Variants in GARIN3 observed in about 807,000 individuals in gnomAD.
GARIN3 encodes Golgi-associated RAB2 interactor protein 3.
chr5:157,162,403 G>A, the GARIN3 span: 14 of 1,579,936 alleles, frequency 8.9e-6, 1 homozygote, highest in South Asian at 1.7e-4. Flanking sequence ...GGCTCCTCTA[G>A]GGATACTTCC....
chr5:157,162,471 G>A, the GARIN3 span: 8 of 1,613,872 alleles, frequency 5.0e-6, no homozygotes, highest in East Asian at 2.2e-5. Context: ...TTTCAAAGAC[G>A]ATCATCTCCG....
At chr5:157,165,434 C>T in the GARIN3 span, 1 of 1,413,198 alleles carries the variant, frequency 7.1e-7, no homozygotes, top group African/African-American at 1.4e-5. Flanking sequence ...CTCATTTGGT[C>T]CTGAGCCCTT....
At chr5:157,162,748 T>C in the GARIN3 span, 1 of 1,614,198 alleles carries the variant, frequency 6.2e-7, no homozygotes. Context: ...CGACTCCTTT[T>C]TGGTGGAGCT....
chr5:157,165,736 C>T, the GARIN3 span: 43 of 1,613,986 alleles, frequency 2.7e-5, no homozygotes, highest in East Asian at 1.1e-4. Flanking sequence ...CGGCCAGTGG[C>T]GAGTTTCAGG....
chr5:157,162,444 TC>T, the GARIN3 span: 1 of 1,612,262 alleles, frequency 6.2e-7, no homozygotes, highest in Non-Finnish European at 8.5e-7. Context: ...CCCTGGCTCC[TC>T]TTTAAATGGA....
chr5:157,163,806 A>G, the GARIN3 span: 12 of 1,084,988 alleles, frequency 1.1e-5, no homozygotes, highest in Non-Finnish European at 1.5e-5. Flanking sequence ...CTGTAATCCC[A>G]ACACTTTGGG....
the GARIN3 span, chr5:157,165,491 CT>C: frequency 3.9e-6 from 6 of 1,525,496 alleles, no homozygotes; most frequent in Non-Finnish European, 5.3e-6. Context: ...GCACCAAAGG[CT>C]TTGTAGGACT....
chr5:157,165,431 G>T, the GARIN3 span: 2 of 1,370,730 alleles, frequency 1.5e-6, no homozygotes, highest in South Asian at 1.5e-5. Context: ...TGGCTCATTT[G>T]GTCCTGAGCC....
chr5:157,165,864 C>T, the GARIN3 span: 2 of 1,614,172 alleles, frequency 1.2e-6, no homozygotes, highest in Non-Finnish European at 1.7e-6. Context: ...AAACCGGCCC[C>T]ATCTGACATG....
At chr5:157,162,490 G>A in the GARIN3 span, 2 of 1,614,146 alleles carry the variant, frequency 1.2e-6, no homozygotes, top group Non-Finnish European at 1.7e-6. Context: ...CGTCTTCTCG[G>A]ATGTCATAGT....
At chr5:157,163,205 C>G in the GARIN3 span, 1 of 1,614,140 alleles carries the variant, frequency 6.2e-7, no homozygotes. Flanking sequence ...GAAGTACCTT[C>G]CAAGGAGGTG....
At chr5:157,163,611 G>A in the GARIN3 span, 1 of 1,614,120 alleles carries the variant, frequency 6.2e-7, no homozygotes, top group Non-Finnish European at 8.5e-7. Context: ...CACAAGGCTT[G>A]TAGAGCCCAG....
At chr5:157,165,119 A>C in the GARIN3 span, among the ~76,000 whole-genome samples, 1 of 152,208 alleles carries the variant, frequency 6.6e-6, no homozygotes, top group East Asian at 1.9e-4. Flanking sequence ...TAGTGGGTAC[A>C]ATGTATATTA....
chr5:157,162,417 T>A, the GARIN3 span: 1 of 1,600,070 alleles, frequency 6.2e-7, no homozygotes, highest in Non-Finnish European at 8.5e-7. Context: ...TACTTCCAGA[T>A]CCCTGGGCGG....
chr5:157,165,845 C>G, the GARIN3 span: 1 of 1,614,004 alleles, frequency 6.2e-7, no homozygotes, highest in African/African-American at 1.3e-5. Flanking sequence ...TGCGACCTCT[C>G]CCCTTGGCAA....
chr5:157,163,479 T>A, the GARIN3 span: 9 of 1,614,214 alleles, frequency 5.6e-6, no homozygotes, highest in South Asian at 9.9e-5. Context: ...CTGTCCTTGC[T>A]GCTCCTCCTT....
the GARIN3 span, chr5:157,162,603 A>C: frequency 6.2e-7 from 1 of 1,614,122 alleles, no homozygotes; most frequent in Non-Finnish European, 8.5e-7. Flanking sequence ...CCTCTCTGTC[A>C]TGTGATGTGA....
At chr5:157,165,650 A>G in the GARIN3 span, 1 of 1,614,078 alleles carries the variant, frequency 6.2e-7, no homozygotes, top group Non-Finnish European at 8.5e-7. Flanking sequence ...GCCTCAGGAG[A>G]TAGACAAGTT....
the GARIN3 span, among the ~76,000 whole-genome samples, chr5:157,164,009 A>G: frequency 1.3e-5 from 2 of 151,982 alleles, no homozygotes; most frequent in East Asian, 1.9e-4. Context: ...GTGAGCCAAG[A>G]CTGCGCCACT....
Sources: allele counts gnomAD v4.1 joint callset (sites outside exome capture counted in the v4.1 genomes callset), GRCh38; gene constraint gnomAD v4.1.1; transcripts MANE v1.5; gene names NCBI Gene and HGNC (gene_info 2026-07-23, HGNC 2026-07-21).